Variants in TAF1 observed in about 807,000 individuals in gnomAD.
The protein encoded by TAF1 is TATA-box binding protein associated factor 1.
In TAF1, 2 loss-of-function variants were observed where a neutral mutation model predicts 138.5. The ratio of observed to expected loss-of-function variants is 0.01; its 90% CI spans 0.01 to 0.05. TAF1 has a LOEUF of 0.05. TAF1 is among the 10% of genes least tolerant of loss of function. The pLI is 1.00. For missense variants in TAF1, 709 were observed against 1,478.0 expected (o/e 0.48, Z 8.53); for synonymous variants, 437 against 503.2 (o/e 0.87, Z 1.76).
intron 28 of TAF1, among the ~76,000 whole-genome samples, chrX:71,420,680 C>CCCT (rs775072473): frequency 8.8e-6 from 1 of 113,139 alleles, no homozygotes; most frequent in East Asian, 2.8e-4. Context: ...TTCCGGGTCA[C>CCCT]CCTCGACCAG....
chrX:71,408,111 G>C lies in TAF1; in HGVS notation c.4344G>C (p.Glu1448Asp), dbSNP rs747638343. ...ACCCATCTCGGGAAGAGTTCAGAGAGCATCTGGAGCTAATTGTGAAAAATA... is the reference window on the plus strand; with the variant it reads ...ACCCATCTCGGGAAGAGTTCAGAGACCATCTGGAGCTAATTGTGAAAAATA... Reference protein sequence around the residue: ...RLYPSREEFREHLELIVKNSA... With the variant: ...RLYPSREEFRDHLELIVKNSA... Residue 1448 changes from glutamate (E) to aspartate (D), a missense_variant, in exon 28 of 38, where the codon GAG becomes GAC. By Grantham distance (45) the Glu-to-Asp change is conservative. This residue lies in a region of TAF1 where 63 missense variants were observed against 163.3 expected (regional missense o/e 0.39). Coordinates refer to ENST00000423759, the MANE Select transcript of TAF1 (RefSeq NM_004606.5). 1.7e-6 allele frequency: 2 copies of C among 1,211,211 alleles called. No individual in the cohort carries two copies. Among genetic ancestry groups the C allele is most frequent in the South Asian group, 3.5e-5 (2 of 56,836 alleles).
chrX:71,369,707 G>A (rs1426289068), intron 3 of TAF1, among the ~76,000 whole-genome samples: 4 of 106,398 alleles, frequency 3.8e-5, no homozygotes, highest in African/African-American at 6.9e-5. Flanking sequence ...CCAGGTTCAT[G>A]CCATTCTCTT....
intron 11 of TAF1, 24 bp from the exon 12 acceptor site, chrX:71,382,967 T>A: frequency 8.3e-7 from 1 of 1,199,456 alleles, no homozygotes; most frequent in East Asian, 3.0e-5. Context: ...TAGCTAATTT[T>A]AACCCTTCTA....
chrX:71,411,531 C>T (rs1383054801), intron 28 of TAF1, among the ~76,000 whole-genome samples: 3 of 111,955 alleles, frequency 2.7e-5, no homozygotes, highest in African/African-American at 6.5e-5. Context: ...TTATATCTAA[C>T]GTCAGAGCCT....
intron 32 of TAF1, chrX:71,441,705 A>C (rs2037435142): frequency 3.5e-6 from 1 of 287,531 alleles, no homozygotes; most frequent in Admixed American, 4.5e-5. Context: ...TCTAGGGTAC[A>C]TGTGCACAAC....
rs1011842667 is a variant in TAF1, at chrX:71,408,240, A to C, written c.4384+89A>C. The stretch of plus-strand genomic sequence containing the variant: ...TAAATTCAGACTAGATTGGACTGAG[A>C]GGACTACAGTGTATTTGTGCATTCA... On this transcript the variant is annotated intron_variant, in intron 28 of 37. Transcript: ENST00000423759. 4 of 1,012,979 alleles carry C rather than the reference A, an allele frequency of 3.9e-6. No individual in the cohort carries two copies. In the East Asian group the frequency reaches 1.2e-4, roughly 31 times the overall value. 83.5% of individuals were successfully genotyped at this position (1,012,979 alleles called of 1,213,427 possible).
At chrX:71,481,815 C>T (rs2039078259) in intron 13 of TAF1, among the ~76,000 whole-genome samples, 1 of 112,060 alleles carries the variant, frequency 8.9e-6, no homozygotes, top group Non-Finnish European at 1.9e-5. Context: ...CCTCGGCCTC[C>T]CAAAGTGCTG....
Position 71,378,013 on chromosome X carries a change from G to A in TAF1, c.933+192G>A, listed in dbSNP as rs1278940639. The A allele has an allele frequency of 1.1e-5, 7 of 639,425 alleles. No individual in the cohort carries two copies. In the African/African-American group the frequency reaches 1.4e-4, roughly 12 times the overall value. The allele number at this position is 639,425 out of a possible 1,213,427, so 52.7% of individuals were successfully genotyped here. A position where few individuals can be genotyped will look rare whatever the true frequency, so the allele number is the denominator to read the frequency against. ...ATTGTAAAAGAAAAATGTTTGGTGGGGTAGGCGGGGATGAGAGGGGTAGAT... is the reference window on the plus strand; with the variant it reads ...ATTGTAAAAGAAAAATGTTTGGTGGAGTAGGCGGGGATGAGAGGGGTAGAT... On this transcript the variant is annotated intron_variant, in intron 6 of 37. Coordinates refer to ENST00000423759, the MANE Select transcript of TAF1 (RefSeq NM_004606.5).
chrX:71,385,092 G>T (rs371164277), intron 14 of TAF1, 43 bp downstream of exon 14: 12 of 998,344 alleles, frequency 1.2e-5, no homozygotes, highest in Non-Finnish European at 1.4e-5. Flanking sequence ...TAAGGAAATT[G>T]ATAAATGAGG....
rs751769436 is a variant in TAF1, at chrX:71,389,693, T to G, written c.2781+28T>G. On this transcript the variant is annotated intron_variant, in intron 18 of 37. Transcript: ENST00000423759. ...AAGGCTTTATACTAGTTTGTATTAGTCATTAATACATCTCATTTATCCTTT... is the reference window on the plus strand; with the variant it reads ...AAGGCTTTATACTAGTTTGTATTAGGCATTAATACATCTCATTTATCCTTT... The G allele has an allele frequency of 2.8e-6, 3 of 1,058,374 alleles. No individual in the cohort carries two copies. The Admixed American group carries it at 8.0e-5, about 28-fold the overall frequency. 87.2% of individuals were successfully genotyped at this position (1,058,374 alleles called of 1,213,427 possible). A position where few individuals can be genotyped will look rare whatever the true frequency, so the allele number is the denominator to read the frequency against.
At chrX:71,372,941 AC>A (rs1306977100) in intron 3 of TAF1, among the ~76,000 whole-genome samples, 1 of 110,628 alleles carries the variant, frequency 9.0e-6, no homozygotes, top group Non-Finnish European at 1.9e-5. Context: ...ATCTCAGCTC[AC>A]TGCAAGCTCC....
intron 25 of TAF1, among the ~76,000 whole-genome samples, chrX:71,404,429 C>T (rs888653327): frequency 2.7e-4 from 30 of 110,752 alleles, no homozygotes; most frequent in Non-Finnish European, 4.5e-4. Flanking sequence ...CCTCCACCTC[C>T]CCAGTTCAAG....
chrX:71,516,118 A>G (rs1468260946), intron 13 of TAF1, among the ~76,000 whole-genome samples: 1 of 109,862 alleles, frequency 9.1e-6, no homozygotes, highest in Non-Finnish European at 1.9e-5. Flanking sequence ...CGGAAGTGCA[A>G]CGGTGCAATC....
At chrX:71,410,861 C>T (rs927034427) in intron 28 of TAF1, among the ~76,000 whole-genome samples, 1 of 111,698 alleles carries the variant, frequency 9.0e-6, no homozygotes, top group Non-Finnish European at 1.9e-5. Context: ...TGGTTCACTG[C>T]AATCTCTGTC....
At chrX:71,493,059 C>T (rs1360231846) in intron 13 of TAF1, 1 of 109,958 alleles carries the variant, frequency 9.1e-6, no homozygotes, top group Non-Finnish European at 1.9e-5. Flanking sequence ...CACTCTGTAG[C>T]CTAGGCTGGA....
At chrX:71,369,348 G>A (rs1602429746) in intron 3 of TAF1, among the ~76,000 whole-genome samples, 1 of 111,416 alleles carries the variant, frequency 9.0e-6, no homozygotes, top group East Asian at 2.8e-4. Context: ...TTCCTCTCTG[G>A]TATAGGGTGC....
chrX:71,376,331 T>C (rs1220839149), intron 4 of TAF1, among the ~76,000 whole-genome samples: 2 of 111,407 alleles, frequency 1.8e-5, no homozygotes, highest in Non-Finnish European at 3.8e-5. Flanking sequence ...AAGTATTACA[T>C]AGTTTTGCTA....
chrX:71,458,664 A>G (rs1373179756), intron 35 of TAF1, among the ~76,000 whole-genome samples: 1 of 112,140 alleles, frequency 8.9e-6, no homozygotes, highest in Admixed American at 9.5e-5. Context: ...AGAGCGACCA[A>G]CTGCACTCAG....
At chrX:71,434,861 A>G (rs1275026498) in intron 32 of TAF1, among the ~76,000 whole-genome samples, 1 of 112,795 alleles carries the variant, frequency 8.9e-6, no homozygotes, top group African/African-American at 3.2e-5. Context: ...TCATACAGAT[A>G]AGTCCCTTCT....
Sources: gnomAD v4.1 joint callset for allele counts (sites outside exome capture counted in the v4.1 genomes callset) on GRCh38, gnomAD v4.1.1 for gene constraint, gnomAD v4.1.1 regional missense constraint, MANE v1.5 for transcripts, NCBI Gene and HGNC (gene_info 2026-07-23, HGNC 2026-07-21) for gene names.